The following SBF2 variants were observed in gnomAD, a reference collection of about 807,000 sequenced individuals.
SBF2 encodes the protein myotubularin-related protein 13.
SBF2 carries 112 observed loss-of-function variants against 225.2 expected under a neutral mutation model. The observed-to-expected ratio is 0.50, with a 90% CI of 0.43 to 0.58. The LOEUF is 0.58. Ranked by LOEUF, SBF2 falls within the 20% of genes least tolerant of loss-of-function variation. The probability of loss-of-function intolerance (pLI) is 0.00; values close to 1 mark genes in which losing one functional copy is unlikely to be tolerated. For missense variants in SBF2, 1,996 were observed against 2,206.2 expected, an observed-to-expected ratio of 0.90 and a Z score of 1.91; for synonymous variants, 763 against 773.3, an observed-to-expected ratio of 0.99 and a Z score of 0.22.
chr11:10,001,123 G>C (rs1405667027), intron 7 of SBF2, 101 bp from the exon 8 acceptor site: 2 of 681,738 alleles, frequency 2.9e-6, no homozygotes, highest in Non-Finnish European at 5.2e-6. Context: ...CCTATGTTTA[G>C]AAATTATCAA....
intron 2 of SBF2, among the ~76,000 whole-genome samples, chr11:10,156,087 G>GC (rs1955462543): frequency 6.6e-6 from 1 of 152,264 alleles, no homozygotes; most frequent in South Asian, 2.1e-4. Flanking sequence ...AGCCCAGGAA[G>GC]CCCCCCCTAT....
At chr11:9,911,022 G>A (rs1036633165) in intron 16 of SBF2, among the ~76,000 whole-genome samples, 1 of 149,796 alleles carries the variant, frequency 6.7e-6, no homozygotes, top group Non-Finnish European at 1.5e-5. Context: ...TCGCCCCACT[G>A]CACTCCAGCC....
chr11:10,035,400 C>A (rs1007328153), intron 3 of SBF2, among the ~76,000 whole-genome samples: 2 of 152,078 alleles, frequency 1.3e-5, no homozygotes, highest in East Asian at 3.8e-4. Context: ...CAACAAAAGC[C>A]AAAATTGACA....
At chr11:10,111,733 T>A (rs1319731010) in intron 2 of SBF2, among the ~76,000 whole-genome samples, 1 of 152,158 alleles carries the variant, frequency 6.6e-6, no homozygotes, top group Non-Finnish European at 1.5e-5. Flanking sequence ...AAAAATTAGC[T>A]GGGCGCGGTG....
chr11:9,955,826 C>T (rs1330601947), intron 16 of SBF2, among the ~76,000 whole-genome samples: 1 of 151,788 alleles, frequency 6.6e-6, no homozygotes, highest in Non-Finnish European at 1.5e-5. Flanking sequence ...CTGTGTCCCG[C>T]AGAGGTAATT....
chr11:9,968,876 T>C (rs1410531127), intron 13 of SBF2, among the ~76,000 whole-genome samples: 6 of 152,174 alleles, frequency 3.9e-5, no homozygotes, highest in South Asian at 4.1e-4. Flanking sequence ...TTTTTTCTAT[T>C]AACATTCATT....
At chr11:9,950,042 G>A (rs894696354) in intron 16 of SBF2, among the ~76,000 whole-genome samples, 1 of 151,880 alleles carries the variant, frequency 6.6e-6, no homozygotes, top group Non-Finnish European at 1.5e-5. Flanking sequence ...GCATAATGCT[G>A]ATAAAAATAA....
chr11:9,918,114 T>A (rs1388301944), intron 16 of SBF2, among the ~76,000 whole-genome samples: 1 of 148,396 alleles, frequency 6.7e-6, no homozygotes, highest in African/African-American at 2.6e-5. Flanking sequence ...AGTTATATGA[T>A]CATTGCCCTC....
intron 16 of SBF2, among the ~76,000 whole-genome samples, chr11:9,913,746 G>A (rs1862842380): frequency 6.6e-6 from 1 of 152,198 alleles, no homozygotes; most frequent in African/African-American, 2.4e-5. Flanking sequence ...ACAGTCCAGA[G>A]GTATGGGCTC....
intron 2 of SBF2, among the ~76,000 whole-genome samples, chr11:10,148,884 C>T (rs1273557098): frequency 6.6e-6 from 1 of 152,176 alleles, no homozygotes; most frequent in Non-Finnish European, 1.5e-5. Context: ...ACTCCCTAGT[C>T]CTTTGTTGTT....
At chr11:10,256,520 C>T (rs1960880226) in intron 1 of SBF2, among the ~76,000 whole-genome samples, 1 of 152,166 alleles carries the variant, frequency 6.6e-6, no homozygotes, top group Non-Finnish European at 1.5e-5. Context: ...AGAATGGCTT[C>T]ATAACAAAGC....
intron 13 of SBF2, among the ~76,000 whole-genome samples, chr11:9,988,195 T>A (rs551557822): frequency 1.3e-5 from 2 of 152,256 alleles, no homozygotes; most frequent in South Asian, 4.1e-4. Context: ...GGTGCTGGGA[T>A]AATTGGTTAG....
intron 28 of SBF2, among the ~76,000 whole-genome samples, chr11:9,822,526 C>T (rs974737011): frequency 2.7e-4 from 41 of 152,174 alleles, no homozygotes; most frequent in Non-Finnish European, 5.9e-4. Flanking sequence ...TCCCAAAGTG[C>T]TGGGATTACA....
At chr11:10,005,324 G>T (rs773077979) in intron 6 of SBF2, among the ~76,000 whole-genome samples, 90 of 152,224 alleles carry the variant, frequency 5.9e-4, no homozygotes, top group Non-Finnish European at 1.2e-3. Context: ...CTGCACATGT[G>T]CCCCCTACCA....
At chr11:9,858,486 G>T in intron 17 of SBF2, 90 bp from the exon 18 acceptor site, 1 of 1,283,598 alleles carries the variant, frequency 7.8e-7, no homozygotes, top group Non-Finnish European at 1.1e-6. Flanking sequence ...TCATAGATGA[G>T]ATCAAAGGAT....
rs187008313 is a variant in SBF2, at chr11:9,979,153, C to T, written c.1395+10344G>A. Among the ~76,000 whole-genome samples the T allele has an allele frequency of 2.0e-5, 3 of 152,286 alleles. No homozygotes were observed. The East Asian group carries it at 5.8e-4, about 29-fold the overall frequency. On this transcript the variant is annotated intron_variant, in intron 13 of 39. Coordinates refer to ENST00000256190, the MANE Select transcript of SBF2 (RefSeq NM_030962.4). Reference sequence around the variant, plus strand: ...AATCTGGATTTAATCACTTAAGAGTCATATGATTCTGAGCCAATTAGCCCC... The same window carrying T: ...AATCTGGATTTAATCACTTAAGAGTTATATGATTCTGAGCCAATTAGCCCC...
At position 10,203,650 on chromosome 11, in the gene SBF2, T is replaced by C. The variant is rs4909919; in HGVS notation, c.56-9663A>G. Among the ~76,000 whole-genome samples the C allele has an allele frequency of 5.9e-5, 9 of 152,058 alleles. No homozygotes were observed. In the East Asian group the frequency reaches 1.7e-3, roughly 29 times the overall value. ...GAGGACAAAAATCAATCAACTGAAA[T>C]AGACTCCAAAATGATGTAGGTATTA... is the stretch of plus-strand genomic sequence containing the variant. On this transcript the variant is annotated intron_variant, in intron 1 of 39. Coordinates refer to ENST00000256190, the MANE Select transcript of SBF2 (RefSeq NM_030962.4).
At chr11:10,260,416 T>C (rs1281860485) in intron 1 of SBF2, among the ~76,000 whole-genome samples, 1 of 143,392 alleles carries the variant, frequency 7.0e-6, no homozygotes, top group Non-Finnish European at 1.6e-5. Flanking sequence ...AGACCCCATC[T>C]CTACAAAAAA....
At chr11:10,014,187 A>G (rs1348823573) in intron 6 of SBF2, among the ~76,000 whole-genome samples, 3 of 152,144 alleles carry the variant, frequency 2.0e-5, no homozygotes, top group South Asian at 2.1e-4. Context: ...GTGTTAGATC[A>G]TTTCTACTGG....
Sources: gnomAD v4.1 joint callset for allele counts (sites outside exome capture counted in the v4.1 genomes callset) on GRCh38, gnomAD v4.1.1 for gene constraint, MANE v1.5 for transcripts, NCBI Gene and HGNC (gene_info 2026-07-23, HGNC 2026-07-21) for gene names.